Variants in ITGA9 observed in about 807,000 individuals in gnomAD.
The protein encoded by ITGA9 is integrin subunit alpha 9.
ITGA9 carries 56 observed loss-of-function variants against 127.8 expected under a neutral mutation model. The observed-to-expected ratio is 0.44, with a 90% CI of 0.35 to 0.55. The LOEUF (loss-of-function observed/expected upper bound fraction) is 0.55, where lower values mean the gene tolerates loss of function less well. Among genes scored for constraint, ITGA9 ranks in the 20% least tolerant of loss-of-function variants. The pLI is 0.00. For synonymous variants in ITGA9, 508 were observed against 514.5 expected (o/e 0.99, Z 0.17); for missense variants, 1,196 against 1,347.1 (o/e 0.89, Z 1.76).
chr3:37,758,563 A>G (rs1050996186), intron 23 of ITGA9, among the ~76,000 whole-genome samples: 2 of 151,502 alleles, frequency 1.3e-5, no homozygotes, highest in African/African-American at 4.9e-5. Flanking sequence ...ACATTTATTT[A>G]TGATATTTTA....
In ITGA9 at chr3:37,629,293, T is replaced by C. The variant is rs748966831; in HGVS notation, c.1796T>C (p.Val599Ala). The change falls in exon 16 of 28, where the codon GTT (valine) becomes GCT (alanine). Residue 599 changes from valine (V) to alanine (A), a missense_variant. Val to Ala is a moderately conservative substitution (Grantham distance 64). Coordinates refer to ENST00000264741, the MANE Select transcript of ITGA9 (RefSeq NM_002207.3). The surrounding 1 kb of genome is among the most constrained non-coding windows in gnomAD (Gnocchi z 4.5). ...AGGGAACTGCCGCCTCTGACACCAG[T>C]TCTCCGCTGGAAAAAGGGACAAAAG... ...EERELPPLTPVLRWKKGQKIA... is the reference protein window; with the variant it reads ...EERELPPLTPALRWKKGQKIA... The C allele has an allele frequency of 5.6e-6, 9 of 1,614,056 alleles. No individual in the cohort carries two copies. The highest frequency in any genetic ancestry group is 7.6e-6 in the Non-Finnish European group (9 of 1,179,996).
rs558429466 is a variant in ITGA9 at position 37,481,445 on chromosome 3, G to T, written c.421-39G>T. ...GGAGTCTGCTTTGTGATCTTTTGGGGCCAACTTTCCTGCTCTCAACTGCTC... is the reference window on the plus strand; with the variant it reads ...GGAGTCTGCTTTGTGATCTTTTGGGTCCAACTTTCCTGCTCTCAACTGCTC... On this transcript the variant is annotated intron_variant, in intron 3 of 27. Transcript: ENST00000264741. The T allele has an allele frequency of 4.3e-6, 7 of 1,613,882 alleles. No homozygotes were observed. In the African/African-American group the frequency reaches 9.3e-5, roughly 22 times the overall value.
chr3:37,655,379 A>T (rs1700467577), intron 17 of ITGA9, among the ~76,000 whole-genome samples: 1 of 152,136 alleles, frequency 6.6e-6, no homozygotes, highest in South Asian at 2.1e-4. Context: ...CTTTTTAATG[A>T]TTGCCATTCT....
intron 10 of ITGA9, 35 bp from the exon 11 acceptor site, chr3:37,519,225 G>A (rs1265627510): frequency 1.3e-6 from 2 of 1,517,672 alleles, no homozygotes; most frequent in East Asian, 2.3e-5. Context: ...TTATTAATGT[G>A]GCTTTTTAAC....
chr3:37,613,365 G>A (rs1040112410), intron 15 of ITGA9, among the ~76,000 whole-genome samples: 1 of 152,050 alleles, frequency 6.6e-6, no homozygotes, highest in Non-Finnish European at 1.5e-5. Flanking sequence ...GTCTATCATT[G>A]TTGGACATTT....
chr3:37,762,960 C>A (rs1696739795), intron 23 of ITGA9, among the ~76,000 whole-genome samples: 1 of 152,232 alleles, frequency 6.6e-6, no homozygotes, highest in African/African-American at 2.4e-5. Flanking sequence ...AGACTTAAAT[C>A]TCTGCTCTCC....
chr3:37,610,539 C>A (rs1299161070), intron 15 of ITGA9, among the ~76,000 whole-genome samples: 2 of 152,140 alleles, frequency 1.3e-5, no homozygotes, highest in Admixed American at 6.5e-5. Flanking sequence ...TTGGCAAACT[C>A]TAAGATGATA....
chr3:37,816,911 C>T (rs1697440304), intron 27 of ITGA9, among the ~76,000 whole-genome samples: 1 of 152,226 alleles, frequency 6.6e-6, no homozygotes, highest in South Asian at 2.1e-4. Context: ...TTATCGACTT[C>T]CCCTCACGGT....
At position 37,452,969 on chromosome 3, in the gene ITGA9, G is replaced by A. The variant is rs1422471364; in HGVS notation, c.185+410G>A. Reference sequence around the variant, plus strand: ...GAACCTCGCAGGGCCTGGAGGAGTCGGGGCACTGGAGCTGCACCCCTCCCC... The same window carrying A: ...GAACCTCGCAGGGCCTGGAGGAGTCAGGGCACTGGAGCTGCACCCCTCCCC... On this transcript the variant is annotated intron_variant, in intron 1 of 27. Coordinates refer to ENST00000264741, the MANE Select transcript of ITGA9 (RefSeq NM_002207.3). The surrounding 1 kb of genome is among the most constrained non-coding windows in gnomAD (Gnocchi z 7.3). 6.6e-6 allele frequency among the ~76,000 whole-genome samples: 1 copy of A among 152,212 alleles called. No homozygotes were observed.
intron 15 of ITGA9, among the ~76,000 whole-genome samples, chr3:37,625,226 C>T (rs1700165280): frequency 1.3e-5 from 2 of 152,132 alleles, no homozygotes; most frequent in Non-Finnish European, 2.9e-5. Context: ...ACCTTTGGGT[C>T]CCCAAAGCCT....
intron 9 of ITGA9, among the ~76,000 whole-genome samples, chr3:37,516,822 G>C (rs1296917957): frequency 6.6e-6 from 1 of 152,100 alleles, no homozygotes; most frequent in Non-Finnish European, 1.5e-5. Context: ...CAGTGATTTG[G>C]GGTGAGAGTA....
At chr3:37,747,152 T>G (rs1209680451) in intron 22 of ITGA9, among the ~76,000 whole-genome samples, 1 of 152,240 alleles carries the variant, frequency 6.6e-6, no homozygotes, top group African/African-American at 2.4e-5. Flanking sequence ...ATTACATACC[T>G]TAAAGTTCAC....
At chr3:37,623,175 T>C (rs1290153410) in intron 15 of ITGA9, among the ~76,000 whole-genome samples, 2 of 140,074 alleles carry the variant, frequency 1.4e-5, no homozygotes, top group African/African-American at 5.4e-5. Flanking sequence ...GTCAGCACCT[T>C]AACCACTGTC....
intron 14 of ITGA9, among the ~76,000 whole-genome samples, chr3:37,537,051 T>G (rs1408656314): frequency 6.6e-6 from 1 of 152,214 alleles, no homozygotes; most frequent in Non-Finnish European, 1.5e-5. Flanking sequence ...ATGGGTTCAA[T>G]TTGAGAACCA....
At chr3:37,708,128 T>C (rs1701027866) in intron 18 of ITGA9, among the ~76,000 whole-genome samples, 1 of 152,256 alleles carries the variant, frequency 6.6e-6, no homozygotes, top group Admixed American at 6.5e-5. Flanking sequence ...CAGGCTCGGC[T>C]GTTCTTGGCC....
chr3:37,659,036 G>A (rs550377469), intron 17 of ITGA9, among the ~76,000 whole-genome samples: 19 of 152,262 alleles, frequency 1.2e-4, no homozygotes, highest in South Asian at 4.2e-4. Flanking sequence ...GGGTTTCTGC[G>A]GAAAGATTCA....
At chr3:37,623,660 G>GGT (rs1164977754) in intron 15 of ITGA9, among the ~76,000 whole-genome samples, 2 of 138,672 alleles carry the variant, frequency 1.4e-5, no homozygotes, top group African/African-American at 2.7e-5. Flanking sequence ...TTTAAACAGG[G>GGT]GTGTGTGTGT....
intron 26 of ITGA9, among the ~76,000 whole-genome samples, chr3:37,789,588 T>C (rs1697081825): frequency 1.4e-5 from 2 of 144,024 alleles, no homozygotes; most frequent in East Asian, 2.1e-4. Context: ...TGTAACCCTG[T>C]CTCTACTAAA....
intron 5 of ITGA9, among the ~76,000 whole-genome samples, chr3:37,497,766 C>G (rs1698746333): frequency 6.6e-6 from 1 of 152,154 alleles, no homozygotes; most frequent in African/African-American, 2.4e-5. Context: ...TCCAACAGGC[C>G]TGTCTAGTAT....
Sources: allele counts gnomAD v4.1 joint callset (sites outside exome capture counted in the v4.1 genomes callset), GRCh38; gene constraint gnomAD v4.1.1; non-coding constraint Gnocchi (gnomAD v3.1); transcripts MANE v1.5; gene names NCBI Gene and HGNC (gene_info 2026-07-23, HGNC 2026-07-21).